SAMD5: variants seen among roughly 807,000 people sequenced by gnomAD.
SAMD5 encodes the protein sterile alpha motif domain containing 5, also known as sterile alpha motif domain-containing protein 5.
SAMD5 carries 13 observed loss-of-function variants against 11.3 expected under a neutral mutation model. The ratio of observed to expected loss-of-function variants is 1.15; its 90% CI spans 0.75 to 1.83. SAMD5 has a LOEUF of 1.83. Among genes scored for constraint, SAMD5 ranks in the 40% most tolerant of loss-of-function variants. SAMD5 has a pLI of 0.00. For synonymous variants in SAMD5, 129 were observed against 111.3 expected, an observed-to-expected ratio of 1.16 and a Z score of -1.00; for missense variants, 255 against 239.1, an observed-to-expected ratio of 1.07 and a Z score of -0.44.
intron 1 of SAMD5, among the ~76,000 whole-genome samples, chr6:147,666,678 G>A (rs547358963): frequency 1.3e-5 from 2 of 152,190 alleles, no homozygotes; most frequent in South Asian, 2.1e-4. Flanking sequence ...CAAAGCTTTC[G>A]TATTTGATTC....
At chr6:147,643,882 G>T (rs1374220265) in intron 1 of SAMD5, among the ~76,000 whole-genome samples, 1 of 152,152 alleles carries the variant, frequency 6.6e-6, no homozygotes. Flanking sequence ...AGGCAGGAAA[G>T]AAAGAAATGA....
chr6:147,529,164 A>T (rs1788389104), intron 1 of SAMD5, among the ~76,000 whole-genome samples: 1 of 152,240 alleles, frequency 6.6e-6, no homozygotes, highest in African/African-American at 2.4e-5. Context: ...TTTATTAAAG[A>T]TGAAAATGGC....
At chr6:147,792,860 A>C in the SAMD5 span, among the ~76,000 whole-genome samples, 1 of 152,238 alleles carries the variant, frequency 6.6e-6, no homozygotes, top group South Asian at 2.1e-4. Flanking sequence ...ATAAGAAAAT[A>C]AAGTAGTAAT....
the SAMD5 span, among the ~76,000 whole-genome samples, chr6:147,924,415 TAA>T: frequency 6.6e-6 from 1 of 152,156 alleles, no homozygotes; most frequent in African/African-American, 2.4e-5. Context: ...AACCAAGTTA[TAA>T]AGAGTCTTCA....
At chr6:147,941,709 C>A in the SAMD5 span, among the ~76,000 whole-genome samples, 1 of 152,062 alleles carries the variant, frequency 6.6e-6, no homozygotes, top group Admixed American at 6.6e-5. Context: ...TATTACAGAG[C>A]AACTCAATGA....
chr6:147,729,446 A>G (rs1791677390), intron 1 of SAMD5, among the ~76,000 whole-genome samples: 1 of 152,220 alleles, frequency 6.6e-6, no homozygotes, highest in Admixed American at 6.5e-5. Context: ...TTGGCTGCCC[A>G]CTGTATGCCA....
chr6:147,649,486 A>C (rs1790451878), intron 1 of SAMD5, among the ~76,000 whole-genome samples: 1 of 152,240 alleles, frequency 6.6e-6, no homozygotes, highest in African/African-American at 2.4e-5. Flanking sequence ...ATGAAAAGAA[A>C]GTCAGTTAAT....
At chr6:147,792,737 A>G in the SAMD5 span, among the ~76,000 whole-genome samples, 1 of 152,292 alleles carries the variant, frequency 6.6e-6, no homozygotes, top group African/African-American at 2.4e-5. Flanking sequence ...GTAAGGAAGT[A>G]CTCAAGAAAC....
At chr6:147,772,661 G>A in the SAMD5 span, among the ~76,000 whole-genome samples, 4,352 of 152,136 alleles carry the variant, frequency 0.029, 168 homozygotes, top group African/African-American at 0.088. Context: ...GGGTCCTCAC[G>A]GGGTCTTTCT....
intron 1 of SAMD5, among the ~76,000 whole-genome samples, chr6:147,663,791 CAAAAAAAAAA>C (rs199707045): frequency 2.4e-5 from 2 of 83,088 alleles, no homozygotes; most frequent in Non-Finnish European, 4.2e-5. Flanking sequence ...AACTCTGTCT[CAAAAAAAAAA>C]AAAAAAAAAA....
At chr6:147,529,890 A>G (rs970221982) in intron 1 of SAMD5, among the ~76,000 whole-genome samples, 3 of 152,238 alleles carry the variant, frequency 2.0e-5, no homozygotes, top group Non-Finnish European at 4.4e-5. Flanking sequence ...TATACAATGC[A>G]TATGGCAACT....
chr6:147,552,979 C>CT (rs1390933109), intron 1 of SAMD5, among the ~76,000 whole-genome samples: 1 of 152,142 alleles, frequency 6.6e-6, no homozygotes, highest in African/African-American at 2.4e-5. Context: ...AAAGATGTGT[C>CT]TAAGTATCTA....
Position 147,509,100 on chromosome 6 carries a change from G to A in SAMD5, c.172G>A (p.Ala58Thr), listed in dbSNP as rs768421602. 1.3e-6 allele frequency: 2 copies of A among 1,589,656 alleles called. No individual in the cohort carries two copies. Among genetic ancestry groups the A allele is most frequent in the Non-Finnish European group, 1.7e-6 (2 of 1,169,660 alleles). The stretch of plus-strand genomic sequence containing the variant: ...CGCGCACCGCCGCCGTATCCTGGAG[G>A]CCGTGCGCCGGCTGCGGGAGCAGGA... ...APAHRRRILEAVRRLREQDAN... is the reference protein window; with the variant it reads ...APAHRRRILETVRRLREQDAN... The change falls in exon 1 of 2, where the codon GCC becomes ACC. Residue 58 changes from alanine to threonine, a missense_variant. By Grantham distance (58) the Ala-to-Thr change is moderately conservative (BLOSUM62 0). Transcript: ENST00000367474.
At chr6:147,647,235 A>G (rs1208059281) in intron 1 of SAMD5, among the ~76,000 whole-genome samples, 1 of 152,114 alleles carries the variant, frequency 6.6e-6, no homozygotes, top group East Asian at 1.9e-4. Flanking sequence ...GATCATCATA[A>G]GGTTCTTTAT....
the SAMD5 span, among the ~76,000 whole-genome samples, chr6:147,832,652 C>T: frequency 6.6e-6 from 1 of 152,156 alleles, no homozygotes; most frequent in African/African-American, 2.4e-5. Flanking sequence ...ATTCTAATTA[C>T]TTTTGTATTT....
At chr6:147,602,731 G>T (rs1789641831) in intron 1 of SAMD5, among the ~76,000 whole-genome samples, 1 of 151,874 alleles carries the variant, frequency 6.6e-6, no homozygotes, top group South Asian at 2.1e-4. Flanking sequence ...GAGACAGTGT[G>T]AGACTCTGTC....
chr6:147,525,424 A>G (rs534236838), intron 1 of SAMD5, among the ~76,000 whole-genome samples: 3 of 150,752 alleles, frequency 2.0e-5, no homozygotes, highest in African/African-American at 7.4e-5. Context: ...TGAAAAGTCC[A>G]TAGAACACTA....
At chr6:147,737,332 T>C (rs1288188176) in exon 2 of SAMD5, 8 of 1,253,174 alleles carry the variant, frequency 6.4e-6, no homozygotes, top group Middle Eastern at 2.2e-4. Context: ...ATTATGCCGC[T>C]ACCTTCAAGA....
At chr6:147,758,670 G>T in the SAMD5 span, among the ~76,000 whole-genome samples, 1 of 152,088 alleles carries the variant, frequency 6.6e-6, no homozygotes, top group Non-Finnish European at 1.5e-5. Context: ...AATGGAAATC[G>T]AGTCAGGGCA....
Sources: gnomAD v4.1 joint callset for allele counts (sites outside exome capture counted in the v4.1 genomes callset) on GRCh38, gnomAD v4.1.1 for gene constraint, MANE v1.5 for transcripts, NCBI Gene and HGNC (gene_info 2026-07-23, HGNC 2026-07-21) for gene names.